The following FOXP1 variants were observed in gnomAD, a reference collection of about 807,000 sequenced individuals.
FOXP1 encodes the protein forkhead box P1, also known as forkhead box protein P1.
FOXP1 carries 15 observed loss-of-function variants against 98.2 expected under a neutral mutation model. The observed-to-expected ratio is 0.15, with a 90% CI of 0.10 to 0.24. FOXP1 has a LOEUF of 0.24. FOXP1 is among the 10% of genes least tolerant of loss of function. The pLI, the probability that FOXP1 is intolerant of heterozygous loss-of-function variation, is 1.00. For synonymous variants in FOXP1, 371 were observed against 314.5 expected (o/e 1.18, Z -1.90); for missense variants, 633 against 848.5 (o/e 0.75, Z 3.15).
In FOXP1 at chr3:70,959,229, G is replaced by C. The variant is rs1236044069; in HGVS notation, c.*18C>G. The C allele has an allele frequency of 6.2e-7, 1 of 1,612,840 alleles. No homozygotes were observed. The highest frequency in any genetic ancestry group is 1.1e-5 in the South Asian group (1 of 91,006). On this transcript the variant is annotated 3_prime_UTR_variant, in exon 21 of 21. Transcript: ENST00000649528. Reference sequence around the variant, plus strand: ...CCTTTTTCCAATCTTCATTCTCGGGGTTGGCCCGCCCCGATAGTCACTCCA... The same window carrying C: ...CCTTTTTCCAATCTTCATTCTCGGGCTTGGCCCGCCCCGATAGTCACTCCA...
At chr3:71,072,426 C>T (rs1167598183) in intron 7 of FOXP1, among the ~76,000 whole-genome samples, 1 of 152,168 alleles carries the variant, frequency 6.6e-6, no homozygotes, top group Admixed American at 6.5e-5. Flanking sequence ...GTCATGTCTA[C>T]AGTGAGTCAG....
chr3:71,099,118 G>C (rs867454300), intron 7 of FOXP1, among the ~76,000 whole-genome samples: 2 of 152,152 alleles, frequency 1.3e-5, no homozygotes, highest in African/African-American at 4.8e-5. Context: ...TAAGCAAAAC[G>C]ATGGTCCACA....
At chr3:71,111,405 G>A (rs572278629) in intron 7 of FOXP1, among the ~76,000 whole-genome samples, 3 of 152,064 alleles carry the variant, frequency 2.0e-5, no homozygotes, top group Non-Finnish European at 4.4e-5. Context: ...GATTTTTTTT[G>A]TTGTTTTTTG....
At chr3:71,002,632 C>T (rs2042259563) in intron 12 of FOXP1, among the ~76,000 whole-genome samples, 1 of 152,166 alleles carries the variant, frequency 6.6e-6, no homozygotes, top group Admixed American at 6.5e-5. Flanking sequence ...CTTGAAACTG[C>T]ATGCAAAAGT....
intron 3 of FOXP1, among the ~76,000 whole-genome samples, chr3:71,387,640 G>A (rs1442336025): frequency 8.5e-5 from 13 of 152,224 alleles, no homozygotes; most frequent in African/African-American, 2.9e-4. Flanking sequence ...CTTGCTGTGC[G>A]TATGAACGAA....
At chr3:71,151,496 T>A (rs1171260677) in intron 6 of FOXP1, among the ~76,000 whole-genome samples, 1 of 152,042 alleles carries the variant, frequency 6.6e-6, no homozygotes, top group East Asian at 1.9e-4. Flanking sequence ...TCCTTCTTTT[T>A]TATTAAGGAG....
chr3:71,582,116 G>C, intron 1 of FOXP1: 1 of 983,962 alleles, frequency 1.0e-6, no homozygotes, highest in Non-Finnish European at 1.2e-6. Context: ...CAAACACATG[G>C]GAGGGGGGCA....
chr3:71,287,447 TG>T (rs1254871693), intron 5 of FOXP1, among the ~76,000 whole-genome samples: 1 of 152,130 alleles, frequency 6.6e-6, no homozygotes, highest in Non-Finnish European at 1.5e-5. Context: ...CACTCCAGCC[TG>T]GGCGAAAGAG....
At chr3:71,472,562 G>A (rs2089460066) in intron 3 of FOXP1, among the ~76,000 whole-genome samples, 1 of 151,860 alleles carries the variant, frequency 6.6e-6, no homozygotes, top group African/African-American at 2.4e-5. Context: ...CAACCCTGAG[G>A]GAAGACCTCT....
chr3:71,046,383 T>C (rs563636224), intron 10 of FOXP1, among the ~76,000 whole-genome samples: 1 of 152,140 alleles, frequency 6.6e-6, no homozygotes, highest in South Asian at 2.1e-4. Flanking sequence ...TAGAACTAAT[T>C]TGCTCAAAAA....
chr3:71,420,058 C>A (rs1263920023), intron 3 of FOXP1, among the ~76,000 whole-genome samples: 1 of 152,046 alleles, frequency 6.6e-6, no homozygotes, highest in Non-Finnish European at 1.5e-5. Flanking sequence ...ATCTGCCCAC[C>A]TTGGCCTCCC....
intron 11 of FOXP1, among the ~76,000 whole-genome samples, chr3:71,028,212 T>C (rs1366871770): frequency 2.0e-5 from 3 of 152,230 alleles, no homozygotes; most frequent in African/African-American, 7.2e-5. Flanking sequence ...TTTTTCTCTC[T>C]GAAATGTTGA....
At chr3:71,566,114 G>C (rs765121435) in intron 2 of FOXP1, among the ~76,000 whole-genome samples, 1 of 152,176 alleles carries the variant, frequency 6.6e-6, no homozygotes, top group Non-Finnish European at 1.5e-5. Flanking sequence ...AGCAGTTAAA[G>C]ATTCTGCCCG....
At chr3:71,545,064 G>A (rs892743223) in intron 2 of FOXP1, among the ~76,000 whole-genome samples, 6 of 151,942 alleles carry the variant, frequency 3.9e-5, no homozygotes, top group Non-Finnish European at 5.9e-5. Flanking sequence ...GCAAAATAGC[G>A]ATTTTAACCA....
intron 7 of FOXP1, among the ~76,000 whole-genome samples, chr3:71,083,101 T>G (rs1473370989): frequency 2.6e-5 from 4 of 152,134 alleles, no homozygotes; most frequent in Non-Finnish European, 5.9e-5. Flanking sequence ...CCCCACCAAA[T>G]CTTGTGTTGA....
At chr3:71,292,200 C>T (rs948602561) in intron 5 of FOXP1, among the ~76,000 whole-genome samples, 18 of 152,084 alleles carry the variant, frequency 1.2e-4, no homozygotes, top group Non-Finnish European at 1.5e-5. Flanking sequence ...GGGAAACAGA[C>T]CAACCTCCAG....
intron 3 of FOXP1, among the ~76,000 whole-genome samples, chr3:71,443,494 G>T (rs1481459879): frequency 6.6e-6 from 1 of 152,184 alleles, no homozygotes; most frequent in Non-Finnish European, 1.5e-5. Context: ...AAGCCCTCCA[G>T]GTGACCCTGA....
intron 4 of FOXP1, among the ~76,000 whole-genome samples, chr3:71,343,554 A>ATTTTTTTTT (rs10658352): frequency 1.7e-5 from 2 of 116,402 alleles, no homozygotes; most frequent in Non-Finnish European, 3.3e-5. Context: ...TCTCAATTAG[A>ATTTTTTTTT]TTTTTTTTTT....
chr3:71,364,237 G>A lies in FOXP1; in HGVS notation c.-167-4993C>T, dbSNP rs147118928. 5.3e-3 allele frequency among the ~76,000 whole-genome samples: 804 copies of A among 152,274 alleles called. 6 individuals are homozygous for A. The highest frequency in any genetic ancestry group is 0.018 in the African/African-American group (748 of 41,538). On this transcript the variant is annotated intron_variant, in intron 3 of 20. Coordinates refer to ENST00000649528, the MANE Select transcript of FOXP1 (RefSeq NM_001349338.3). The stretch of plus-strand genomic sequence containing the variant: ...TACTTGGGTCTCCAGGTAACCATAA[G>A]TAAGCAGAAGCTCTGTCAATTTGGA...
Sources: gnomAD v4.1 joint callset for allele counts (sites outside exome capture counted in the v4.1 genomes callset) on GRCh38, gnomAD v4.1.1 for gene constraint, MANE v1.5 for transcripts, NCBI Gene and HGNC (gene_info 2026-07-23, HGNC 2026-07-21) for gene names.